Variants in DLG2 observed in about 807,000 individuals in gnomAD.
DLG2 encodes discs large MAGUK scaffold protein 2.
In DLG2, 45 loss-of-function variants were observed where a neutral mutation model predicts 132.5. The observed-to-expected ratio is 0.34, with a 90% CI of 0.27 to 0.44. DLG2 has a LOEUF of 0.44. Among genes scored for constraint, DLG2 ranks in the 20% least tolerant of loss-of-function variants. DLG2 has a pLI of 1.00. For missense variants in DLG2, 1,045 were observed against 1,196.9 expected (o/e 0.87, Z 1.87); for synonymous variants, 424 against 419.6 (o/e 1.01, Z -0.13).
At chr11:85,564,034 A>C (rs960841652) in intron 3 of DLG2, among the ~76,000 whole-genome samples, 1 of 152,048 alleles carries the variant, frequency 6.6e-6, no homozygotes, top group Admixed American at 6.6e-5. Flanking sequence ...GCATTTTCTT[A>C]ATGTCTAAAG....
intron 6 of DLG2, among the ~76,000 whole-genome samples, chr11:84,620,606 G>C (rs2099612159): frequency 6.6e-6 from 1 of 151,986 alleles, no homozygotes; most frequent in African/African-American, 2.4e-5. Context: ...ACACATGAAT[G>C]CTGAATAAAG....
At chr11:83,647,832 A>G (rs557142475) in intron 18 of DLG2, 1 of 152,196 alleles carries the variant, frequency 6.6e-6, no homozygotes, top group Admixed American at 6.5e-5. Flanking sequence ...CTCAAAATTT[A>G]TATTTAATTC....
intron 6 of DLG2, among the ~76,000 whole-genome samples, chr11:84,625,272 A>G (rs1480033726): frequency 1.3e-5 from 2 of 152,156 alleles, no homozygotes; most frequent in African/African-American, 4.8e-5. Flanking sequence ...GACACTATTC[A>G]TCACAGATGA....
At chr11:83,830,898 C>T (rs933861420) in intron 17 of DLG2, among the ~76,000 whole-genome samples, 22 of 152,058 alleles carry the variant, frequency 1.4e-4, no homozygotes, top group Non-Finnish European at 2.1e-4. Context: ...CATTTAATGA[C>T]GATATGAATG....
intron 6 of DLG2, among the ~76,000 whole-genome samples, chr11:84,957,396 T>C (rs577562842): frequency 6.6e-6 from 1 of 152,350 alleles, no homozygotes; most frequent in Non-Finnish European, 1.5e-5. Flanking sequence ...TTATATGTGA[T>C]ATTTAAAGAT....
chr11:85,347,797 CTTTTTTTT>C (rs1168590401), intron 3 of DLG2, among the ~76,000 whole-genome samples: 27 of 94,942 alleles, frequency 2.8e-4, no homozygotes, highest in Admixed American at 8.9e-4. Flanking sequence ...AAGAGGCACT[CTTTTTTTT>C]TTTTTTTTTT....
At chr11:84,812,024 G>C (rs1408783082) in intron 6 of DLG2, among the ~76,000 whole-genome samples, 5 of 152,060 alleles carry the variant, frequency 3.3e-5, no homozygotes, top group Admixed American at 2.6e-4. Flanking sequence ...TAATTCCACA[G>C]TTATTCTCTG....
intron 3 of DLG2, among the ~76,000 whole-genome samples, chr11:85,353,346 T>C (rs2083441781): frequency 6.6e-6 from 1 of 152,132 alleles, no homozygotes; most frequent in Admixed American, 6.6e-5. Flanking sequence ...CAACAGATGC[T>C]GGAGAGGATG....
intron 6 of DLG2, among the ~76,000 whole-genome samples, chr11:84,872,506 A>G (rs1351856462): frequency 6.6e-6 from 1 of 152,204 alleles, no homozygotes; most frequent in Non-Finnish European, 1.5e-5. Context: ...GTGGAATGCT[A>G]TAATAGAGTT....
At position 85,537,953 on chromosome 11, in the gene DLG2, A is replaced by G. The variant is rs565365604; in HGVS notation, c.40+60704T>C. ...AACACAGTGAAACCCCGTCTCTACT[A>G]AAAATACAAAATATTAGCAGGGCGT... On this transcript the variant is annotated intron_variant, in intron 3 of 27. Transcript: ENST00000376104. Among the ~76,000 whole-genome samples the G allele has an allele frequency of 1.3e-4, 20 of 151,838 alleles. No individual in the cohort carries two copies. In the South Asian group the frequency reaches 2.9e-3, roughly 22 times the overall value.
At chr11:84,687,812 A>G (rs759129404) in intron 6 of DLG2, among the ~76,000 whole-genome samples, 24 of 152,240 alleles carry the variant, frequency 1.6e-4, no homozygotes, top group Non-Finnish European at 2.2e-4. Context: ...AATGAAAAAA[A>G]TGATGCTAGT....
rs528623488 is a variant in DLG2 at position 85,401,438 on chromosome 11, A to G, written c.41-116073T>C. Among the ~76,000 whole-genome samples, 9 of 152,260 alleles carry G rather than the reference A, an allele frequency of 5.9e-5. No individual in the cohort carries two copies. The South Asian group carries it at 1.5e-3, about 25-fold the overall frequency. On this transcript the variant is annotated intron_variant, in intron 3 of 27. Transcript: ENST00000376104. ...ACTTGAAAACCAGCACAAGACAAGG[A>G]CACCCTCTCTCACCACTCCTATTCC...
At chr11:85,495,083 T>A (rs908436161) in intron 3 of DLG2, among the ~76,000 whole-genome samples, 4 of 152,030 alleles carry the variant, frequency 2.6e-5, no homozygotes, top group African/African-American at 9.7e-5. Context: ...CCAATGAACA[T>A]ATAAAGAGAT....
chr11:84,853,725 C>T lies in DLG2; in HGVS notation c.357+257936G>A, dbSNP rs2082433889. Among the ~76,000 whole-genome samples the T allele has an allele frequency of 2.0e-5, 3 of 151,916 alleles. No homozygotes were observed. In the South Asian group the frequency reaches 6.2e-4, roughly 31 times the overall value. ...AGACCATTGAAAACCCCTAGTCTTC[C>T]TTCTTCTCACAGCAAACCATTCCAC... On this transcript the variant is annotated intron_variant, in intron 6 of 27. Coordinates refer to ENST00000376104, the MANE Select transcript of DLG2 (RefSeq NM_001142699.3).
chr11:85,222,067 T>C (rs982479271), intron 4 of DLG2, among the ~76,000 whole-genome samples: 7 of 152,026 alleles, frequency 4.6e-5, no homozygotes, highest in Admixed American at 4.6e-4. Flanking sequence ...CCTCCCCAAG[T>C]AGATGGGACT....
intron 9 of DLG2, among the ~76,000 whole-genome samples, chr11:84,139,273 C>T (rs1030472251): frequency 6.6e-6 from 1 of 152,166 alleles, no homozygotes; most frequent in Middle Eastern, 3.4e-3. Context: ...ATAAACAACC[C>T]ATGAATTCCA....
At chr11:83,574,225 GTC>G (rs1400170825) in intron 19 of DLG2, among the ~76,000 whole-genome samples, 1 of 152,048 alleles carries the variant, frequency 6.6e-6, no homozygotes. Flanking sequence ...AAATGACAGT[GTC>G]TGTCTTTTGC....
rs750559267 is a variant in DLG2 at position 84,534,611 on chromosome 11, C to T, written c.478G>A (p.Val160Ile). 2.5e-6 allele frequency: 4 copies of T among 1,614,012 alleles called. No individual in the cohort carries two copies. Among genetic ancestry groups the T allele is most frequent in the Non-Finnish European group, 3.4e-6 (4 of 1,179,948 alleles). ...SEKNLSQIEN[V>I]HGYVLQSHIS... ...TGAGACTGCAAGACATATCCATGGA[C>T]ATTTTCTATTTGAGAGAGGTTCTTT... The change falls in exon 7 of 28, where the codon GTC becomes ATC. Residue 160 changes from valine to isoleucine, a missense_variant. By Grantham distance (29) the Val-to-Ile change is conservative. Transcript: ENST00000376104.
intron 4 of DLG2, among the ~76,000 whole-genome samples, chr11:85,267,911 T>C (rs1240080289): frequency 6.7e-6 from 1 of 149,666 alleles, no homozygotes; most frequent in Admixed American, 6.7e-5. Flanking sequence ...TGTGTGTACG[T>C]ATGTGTGTGT....
Sources: gnomAD v4.1 joint callset for allele counts (sites outside exome capture counted in the v4.1 genomes callset) on GRCh38, gnomAD v4.1.1 for gene constraint, MANE v1.5 for transcripts, NCBI Gene and HGNC (gene_info 2026-07-23, HGNC 2026-07-21) for gene names.